Variants in SLC36A1 observed in about 807,000 individuals in gnomAD.
SLC36A1 encodes proton-coupled amino acid transporter 1.
A neutral mutation model predicts 47.5 loss-of-function variants in SLC36A1; 30 were observed. The ratio of observed to expected loss-of-function variants is 0.63; its 90% CI spans 0.47 to 0.86. The LOEUF (loss-of-function observed/expected upper bound fraction) is 0.86. Among genes scored for constraint, SLC36A1 ranks in the 40% least tolerant of loss-of-function variants. The probability of loss-of-function intolerance (pLI) is 0.00; values close to 1 mark genes in which losing one functional copy is unlikely to be tolerated. For missense variants in SLC36A1, 517 were observed against 606.0 expected (o/e 0.85, Z 1.54); for synonymous variants, 255 against 249.7 (o/e 1.02, Z -0.20).
At chr5:151,539,053 G>C in the SLC36A1 span, among the ~76,000 whole-genome samples, 1 of 152,184 alleles carries the variant, frequency 6.6e-6, no homozygotes, top group South Asian at 2.1e-4. Flanking sequence ...GGGAGGGCCA[G>C]GGTGAGCCTG....
the SLC36A1 span, among the ~76,000 whole-genome samples, chr5:151,534,817 T>C: frequency 1.3e-5 from 2 of 151,734 alleles, no homozygotes; most frequent in Non-Finnish European, 2.9e-5. Flanking sequence ...CCCATTCTCC[T>C]CCCTGATTCT....
chr5:151,462,581 T>G (rs1755684981), intron 2 of SLC36A1, among the ~76,000 whole-genome samples: 1 of 152,010 alleles, frequency 6.6e-6, no homozygotes, highest in Non-Finnish European at 1.5e-5. Flanking sequence ...GCCAGGATAG[T>G]CTCAATCTCT....
the SLC36A1 span, chr5:151,551,362 T>A: frequency 8.3e-7 from 1 of 1,198,240 alleles, no homozygotes; most frequent in Non-Finnish European, 1.2e-6. Context: ...AATTCAGTGT[T>A]CCTTGAGGAA....
intron 1 of SLC36A1, among the ~76,000 whole-genome samples, chr5:151,438,199 G>C (rs1295002469): frequency 6.6e-6 from 1 of 152,082 alleles, no homozygotes; most frequent in East Asian, 1.9e-4. Flanking sequence ...ACTTTACCTG[G>C]GACAATTTCA....
At chr5:151,428,573 C>T in the SLC36A1 span, among the ~76,000 whole-genome samples, 1 of 152,202 alleles carries the variant, frequency 6.6e-6, no homozygotes, top group African/African-American at 2.4e-5. Context: ...CCAGAACAGG[C>T]AGCCTGGCCT....
the SLC36A1 span, among the ~76,000 whole-genome samples, chr5:151,416,490 T>A: frequency 2.0e-5 from 3 of 152,206 alleles, no homozygotes; most frequent in East Asian, 5.8e-4. Context: ...AAATGCTTTA[T>A]CAAAACTGGA....
chr5:151,380,241 G>A, the SLC36A1 span: 33 of 226,988 alleles, frequency 1.5e-4, no homozygotes, highest in Non-Finnish European at 2.8e-4. Context: ...AGAACCCTAG[G>A]TGGGAGGCTG....
the SLC36A1 span, chr5:151,512,034 A>T: frequency 1.3e-6 from 1 of 757,450 alleles, no homozygotes; most frequent in Non-Finnish European, 2.1e-6. This position sits in a 1 kb window ranked among gnomAD's most constrained non-coding sequence, Gnocchi z 4.1. Flanking sequence ...CCAACCTGTT[A>T]CTCACAAGTT....
chr5:151,345,188 G>A, the SLC36A1 span, among the ~76,000 whole-genome samples: 1 of 152,182 alleles, frequency 6.6e-6, no homozygotes, highest in Non-Finnish European at 1.5e-5. Context: ...GTTAAGTCAA[G>A]GCGAGCATGG....
At chr5:151,416,947 C>G in the SLC36A1 span, among the ~76,000 whole-genome samples, 5 of 152,290 alleles carry the variant, frequency 3.3e-5, no homozygotes, top group African/African-American at 9.6e-5. Context: ...GCTCTTCCCC[C>G]CTTCGCTTAG....
At chr5:151,395,284 A>G in the SLC36A1 span, among the ~76,000 whole-genome samples, 2 of 152,072 alleles carry the variant, frequency 1.3e-5, no homozygotes, top group Admixed American at 6.5e-5. Flanking sequence ...GAGTGACCCA[A>G]TTTTCCAGGT....
At chr5:151,493,084 CACTT>C (rs561438545), downstream of SLC36A1, among the ~76,000 whole-genome samples, 7 of 152,170 alleles carry the variant, frequency 4.6e-5, no homozygotes, top group Non-Finnish European at 8.8e-5. Flanking sequence ...CAACAGGTAA[CACTT>C]AATTTTCTTG....
chr5:151,499,591 A>C, the SLC36A1 span, among the ~76,000 whole-genome samples: 1 of 152,048 alleles, frequency 6.6e-6, no homozygotes, highest in Non-Finnish European at 1.5e-5. Context: ...GCTTATCCCC[A>C]GATGCTCACT....
At chr5:151,440,432 A>G (rs1343227469) in intron 1 of SLC36A1, among the ~76,000 whole-genome samples, 1 of 152,154 alleles carries the variant, frequency 6.6e-6, no homozygotes, top group African/African-American at 2.4e-5. Flanking sequence ...CAGTAGGGCC[A>G]TCAGTCACAG....
chr5:151,455,619 T>G (rs1298740487), intron 1 of SLC36A1, among the ~76,000 whole-genome samples: 2 of 152,128 alleles, frequency 1.3e-5, no homozygotes, highest in African/African-American at 4.8e-5. Context: ...ATTCCATCCT[T>G]TCACCTTCAG....
At chr5:151,365,872 G>T in the SLC36A1 span, among the ~76,000 whole-genome samples, 1 of 152,146 alleles carries the variant, frequency 6.6e-6, no homozygotes, top group Non-Finnish European at 1.5e-5. Context: ...CCCACAGTGT[G>T]CCTCCATTGG....
the SLC36A1 span, among the ~76,000 whole-genome samples, chr5:151,394,659 C>A: frequency 6.6e-6 from 1 of 152,238 alleles, no homozygotes; most frequent in Non-Finnish European, 1.5e-5. Context: ...GAGTTTACTG[C>A]AGGTCCACTC....
the SLC36A1 span, among the ~76,000 whole-genome samples, chr5:151,425,890 A>G: frequency 6.6e-6 from 1 of 152,136 alleles, no homozygotes; most frequent in African/African-American, 2.4e-5. Flanking sequence ...TGAAGTCCCA[A>G]TTCCCCTTTC....
the SLC36A1 span, among the ~76,000 whole-genome samples, chr5:151,395,644 A>G: frequency 2.0e-5 from 3 of 152,182 alleles, no homozygotes; most frequent in South Asian, 6.2e-4. Flanking sequence ...CAGTGTTTCC[A>G]TGAAGCTAGG....
Sources: allele counts gnomAD v4.1 joint callset (sites outside exome capture counted in the v4.1 genomes callset), GRCh38; gene constraint gnomAD v4.1.1; non-coding constraint Gnocchi (gnomAD v3.1); transcripts MANE v1.5; gene names NCBI Gene and HGNC (gene_info 2026-07-23, HGNC 2026-07-21).